CFAP47: variants seen among roughly 807,000 people sequenced by gnomAD.
CFAP47 encodes the protein cilia and flagella associated protein 47.
Under a neutral mutation model 148.1 loss-of-function variants are expected in CFAP47, and 29 were observed. That is an observed-to-expected ratio of 0.20 (90% CI 0.15 to 0.27). CFAP47 has a LOEUF of 0.27. Ranked by LOEUF, CFAP47 falls within the 10% of genes least tolerant of loss-of-function variation. The pLI, the probability that CFAP47 is intolerant of heterozygous loss-of-function variation, is 1.00. For synonymous variants in CFAP47, 664 were observed against 577.3 expected, an observed-to-expected ratio of 1.15 and a Z score of -2.15; for missense variants, 1,872 against 1,697.5, an observed-to-expected ratio of 1.10 and a Z score of -1.81.
intron 25 of CFAP47, among the ~76,000 whole-genome samples, chrX:36,041,018 A>T (rs1197109139): frequency 1.8e-5 from 2 of 112,100 alleles, no homozygotes; most frequent in Non-Finnish European, 3.8e-5. Flanking sequence ...TTAAATACTG[A>T]TATTAGGAAA....
chrX:36,324,068 T>C (rs892296470), intron 57 of CFAP47, among the ~76,000 whole-genome samples: 23 of 111,718 alleles, frequency 2.1e-4, no homozygotes. Flanking sequence ...TGAAGAATCT[T>C]AACCTGCCAG....
chrX:36,349,023 G>A (rs1006610644), intron 58 of CFAP47, among the ~76,000 whole-genome samples: 4 of 110,888 alleles, frequency 3.6e-5, no homozygotes, highest in Non-Finnish European at 7.5e-5. Context: ...GTCAAGATTG[G>A]CTACATAAAT....
At chrX:36,204,601 T>C (rs1379346625) in intron 44 of CFAP47, among the ~76,000 whole-genome samples, 3 of 111,677 alleles carry the variant, frequency 2.7e-5, no homozygotes, top group Non-Finnish European at 3.8e-5. Context: ...AGAATGTATC[T>C]GATATATCTG....
At chrX:36,112,568 G>A (rs147333432) in intron 33 of CFAP47, among the ~76,000 whole-genome samples, 1,912 of 111,656 alleles carry the variant, frequency 0.017, 21 homozygotes, top group Non-Finnish European at 0.028. Flanking sequence ...TTAGAAGAAT[G>A]TATACCCTGT....
At chrX:36,314,905 T>G (rs1339965286) in intron 56 of CFAP47, among the ~76,000 whole-genome samples, 1 of 111,732 alleles carries the variant, frequency 8.9e-6, no homozygotes, top group Admixed American at 9.6e-5. Context: ...TATTTGTGGA[T>G]GACGGATATG....
At chrX:36,072,765 T>A (rs1937778922) in intron 28 of CFAP47, among the ~76,000 whole-genome samples, 1 of 111,889 alleles carries the variant, frequency 8.9e-6, no homozygotes, top group South Asian at 3.7e-4. Flanking sequence ...ATTGTCTTTG[T>A]ATAATTTTTT....
At chrX:36,125,125 A>C (rs967883232) in intron 33 of CFAP47, among the ~76,000 whole-genome samples, 36 of 112,106 alleles carry the variant, frequency 3.2e-4, no homozygotes, top group African/African-American at 1.1e-3. Context: ...AACTTGAAGG[A>C]AAAATAAGTG....
intron 15 of CFAP47, among the ~76,000 whole-genome samples, chrX:35,979,355 C>CTTGTT (rs1247431867): frequency 1.8e-5 from 2 of 109,424 alleles, no homozygotes; most frequent in African/African-American, 3.3e-5. Context: ...CATGCTTCTG[C>CTTGTT]TTGTTTTGTT....
intron 48 of CFAP47, among the ~76,000 whole-genome samples, chrX:36,238,092 A>G (rs1375314334): frequency 9.1e-6 from 1 of 109,793 alleles, no homozygotes; most frequent in African/African-American, 3.3e-5. Flanking sequence ...CTTATATTTT[A>G]TGATATGGTT....
chrX:36,019,359 A>G (rs1386467460), intron 22 of CFAP47, among the ~76,000 whole-genome samples: 1 of 112,176 alleles, frequency 8.9e-6, no homozygotes, highest in Non-Finnish European at 1.9e-5. Flanking sequence ...CACGATTTGC[A>G]GGTAATAAAC....
intron 27 of CFAP47, among the ~76,000 whole-genome samples, chrX:36,068,431 A>C (rs902296578): frequency 3.6e-5 from 4 of 112,258 alleles, no homozygotes; most frequent in African/African-American, 1.3e-4. Context: ...TTAGCAGATA[A>C]AAGGTATTTA....
chrX:36,070,616 C>T (rs755967234), intron 27 of CFAP47, among the ~76,000 whole-genome samples: 18 of 109,115 alleles, frequency 1.6e-4, no homozygotes, highest in Non-Finnish European at 2.7e-4. Context: ...CTCAGCCTCC[C>T]GAGTAGCTGG....
At chrX:36,160,837 A>G in intron 39 of CFAP47, 68 bp downstream of exon 39, 1 of 218,400 alleles carries the variant, frequency 4.6e-6, no homozygotes, top group Non-Finnish European at 8.0e-6. Flanking sequence ...GACATATGTG[A>G]TTTTCTTTCT....
intron 33 of CFAP47, among the ~76,000 whole-genome samples, chrX:36,134,888 C>T (rs1939016336): frequency 9.0e-6 from 1 of 110,608 alleles, no homozygotes; most frequent in South Asian, 3.8e-4. Flanking sequence ...AGAAAATAAA[C>T]AACCAAATTT....
At chrX:36,095,251 A>T (rs1300721903) in intron 30 of CFAP47, among the ~76,000 whole-genome samples, 4 of 111,787 alleles carry the variant, frequency 3.6e-5, no homozygotes, top group African/African-American at 6.5e-5. Flanking sequence ...CCTGGTCATG[A>T]TTAATGATCT....
At chrX:35,966,849 A>G in intron 9 of CFAP47, 95 bp downstream of exon 9, 1 of 617,128 alleles carries the variant, frequency 1.6e-6, no homozygotes, top group Non-Finnish European at 2.3e-6. Flanking sequence ...ACACGCACAT[A>G]TATGTGAAAG....
intron 21 of CFAP47, among the ~76,000 whole-genome samples, chrX:36,002,310 T>G (rs766370027): frequency 5.4e-5 from 6 of 111,102 alleles, no homozygotes; most frequent in Non-Finnish European, 7.5e-5. Flanking sequence ...ACGCATGATA[T>G]GAAAGTGCAT....
Position 36,071,894 on chromosome X carries a change from C to T in CFAP47, c.4388C>T (p.Ser1463Phe). The T allele has an allele frequency of 1.7e-6, 2 of 1,206,676 alleles. No homozygotes were observed. Among genetic ancestry groups the T allele is most frequent in the South Asian group, 1.8e-5 (1 of 56,736 alleles). Reference sequence around the variant, plus strand: ...CCCTACCAGGATGCTAAACCACCCTCTCCTGCTTCAATTAAAAAGACATAC... The same window carrying T: ...CCCTACCAGGATGCTAAACCACCCTTTCCTGCTTCAATTAAAAAGACATAC... Reference protein sequence around the residue: ...LPPYQDAKPPSPASIKKTYTT... With the variant: ...LPPYQDAKPPFPASIKKTYTT... The change falls in exon 28 of 64, where the codon TCT becomes TTT. Residue 1463 changes from serine (S) to phenylalanine (F), a missense_variant. By Grantham distance (155) the Ser-to-Phe change is radical. Coordinates refer to ENST00000378653, the MANE Select transcript of CFAP47 (RefSeq NM_001304548.2).
chrX:36,091,682 C>A (rs1234931928), intron 30 of CFAP47, among the ~76,000 whole-genome samples: 1 of 111,311 alleles, frequency 9.0e-6, no homozygotes, highest in African/African-American at 3.3e-5. Context: ...CTAGCTTAGA[C>A]TGACCCAGGG....
Sources: gnomAD v4.1 joint callset for allele counts (sites outside exome capture counted in the v4.1 genomes callset) on GRCh38, gnomAD v4.1.1 for gene constraint, MANE v1.5 for transcripts, NCBI Gene and HGNC (gene_info 2026-07-23, HGNC 2026-07-21) for gene names.